ZBTB24: variants seen among roughly 807,000 people sequenced by gnomAD.
The protein encoded by ZBTB24 is zinc finger and BTB domain containing 24.
ZBTB24 carries 32 observed loss-of-function variants against 53.8 expected under a neutral mutation model. The ratio of observed to expected loss-of-function variants is 0.60; its 90% CI spans 0.45 to 0.80. The LOEUF (loss-of-function observed/expected upper bound fraction) is 0.80. Among genes scored for constraint, ZBTB24 ranks in the 30% least tolerant of loss-of-function variants. ZBTB24 has a pLI of 0.00. For synonymous variants in ZBTB24, 297 were observed against 306.7 expected, an observed-to-expected ratio of 0.97 and a Z score of 0.33; for missense variants, 722 against 837.1, an observed-to-expected ratio of 0.86 and a Z score of 1.70.
chr6:109,465,815 G>T lies in ZBTB24; in HGVS notation c.*36C>A, dbSNP rs774771168. The T allele has an allele frequency of 1.6e-5, 26 of 1,614,156 alleles. No individual in the cohort carries two copies. The highest frequency in any genetic ancestry group is 1.6e-4 in the Middle Eastern group (1 of 6,062). ...AAATCCAGTCAGAGCTGGCTTATAA[G>T]AAGAGCCCAATCAAGCAGTCAAACG... On this transcript the variant is annotated 3_prime_UTR_variant, in exon 7 of 7. Coordinates refer to ENST00000230122, the MANE Select transcript of ZBTB24 (RefSeq NM_014797.3).
chr6:109,478,641 T>C (rs1402265721), intron 2 of ZBTB24, among the ~76,000 whole-genome samples: 3 of 152,046 alleles, frequency 2.0e-5, no homozygotes, highest in African/African-American at 7.3e-5. Flanking sequence ...GCGGAGGTTG[T>C]GGTGATCGGA....
intron 1 of ZBTB24, 59 bp from the exon 2 acceptor site, chr6:109,482,113 G>A: frequency 1.7e-6 from 2 of 1,175,162 alleles, no homozygotes; most frequent in South Asian, 2.6e-5. Context: ...GTTAATGCCA[G>A]CCCACATGAA....
rs374715015 is a variant in ZBTB24 at position 109,476,887 on chromosome 6, G to A, written c.996C>T (p.Ala332=). 1.9e-4 allele frequency: 314 copies of A among 1,613,944 alleles called. 1 individual carries two copies. The highest frequency in any genetic ancestry group is 2.4e-4 in the Non-Finnish European group (284 of 1,180,034). ...FKCNECGKGF[A]QKHSLQVHTR... ...TGTGGACCTGTAGCGAGTGCTTCTG[G>A]GCAAAGCCTTTTCCACACTCATTAC... The change falls in exon 3 of 7, where the codon GCC becomes GCT. Residue 332 remains alanine, a synonymous_variant. Coordinates refer to ENST00000230122, the MANE Select transcript of ZBTB24 (RefSeq NM_014797.3).
chr6:109,465,831 C>G lies in ZBTB24; in HGVS notation c.*20G>C. 1 of 1,614,158 alleles carries G rather than the reference C, an allele frequency of 6.2e-7. No homozygotes were observed. The highest frequency in any genetic ancestry group is 8.5e-7 in the Non-Finnish European group (1 of 1,180,030). Reference sequence around the variant, plus strand: ...GGCTTATAAGAAGAGCCCAATCAAGCAGTCAAACGTGTTTACAGGTCAGCT... The same window carrying G: ...GGCTTATAAGAAGAGCCCAATCAAGGAGTCAAACGTGTTTACAGGTCAGCT... On this transcript the variant is annotated 3_prime_UTR_variant, in exon 7 of 7. Transcript: ENST00000230122.
rs1775984448 is a variant in ZBTB24 at position 109,464,464 on chromosome 6, T to C, written c.*1387A>G. Reference sequence around the variant, plus strand: ...ATCAGCATTGTTAATTTAGATATACTAGTGCCCACCTTCTTTTCTCAAAAA... The same window carrying C: ...ATCAGCATTGTTAATTTAGATATACCAGTGCCCACCTTCTTTTCTCAAAAA... On this transcript the variant is annotated 3_prime_UTR_variant, in exon 7 of 7. Coordinates refer to ENST00000230122, the MANE Select transcript of ZBTB24 (RefSeq NM_014797.3). 6.6e-6 allele frequency: 1 copy of C among 152,222 alleles called. No homozygotes were observed. The highest frequency in any genetic ancestry group is 1.5e-5 in the Non-Finnish European group (1 of 68,042). 9.4% of individuals were successfully genotyped at this position (152,222 alleles called of 1,614,324 possible).
At chr6:109,466,612 T>A (rs764530164) in intron 6 of ZBTB24, 38 bp from the exon 7 acceptor site, 9 of 1,599,338 alleles carry the variant, frequency 5.6e-6, no homozygotes, top group Non-Finnish European at 7.6e-6. Context: ...AAAATGGAAA[T>A]ACCTACTTAC....
rs555435245 is a variant in ZBTB24, at chr6:109,462,870, A to G, written c.*2981T>C. 6.6e-6 allele frequency: 1 copy of G among 152,374 alleles called. No individual in the cohort carries two copies. Among genetic ancestry groups the G allele is most frequent in the South Asian group, 2.1e-4 (1 of 4,828 alleles). The allele number at this position is 152,374 out of a possible 1,614,324, so 9.4% of individuals were successfully genotyped here. ...TCTATATTTCTGTTAAAACAATTTA[A>G]AAAATGGTACACATTTAGTAGAAAA... On this transcript the variant is annotated 3_prime_UTR_variant, in exon 7 of 7. Transcript: ENST00000230122.
chr6:109,477,326 T>C (rs1776300515), intron 2 of ZBTB24, among the ~76,000 whole-genome samples: 1 of 151,892 alleles, frequency 6.6e-6, no homozygotes. Flanking sequence ...GTAATTTTAA[T>C]TTTTTTTAGA....
chr6:109,482,449 G>A (rs1333522918), intron 1 of ZBTB24, among the ~76,000 whole-genome samples: 10 of 151,344 alleles, frequency 6.6e-5, no homozygotes, highest in Non-Finnish European at 1.3e-4. Flanking sequence ...CTGGGCGACA[G>A]AACGAGACCA....
Position 109,464,554 on chromosome 6 carries a change from A to C in ZBTB24, c.*1297T>G, listed in dbSNP as rs1488592725. 6.6e-6 allele frequency: 1 copy of C among 152,230 alleles called. No individual in the cohort carries two copies. Among genetic ancestry groups the C allele is most frequent in the Non-Finnish European group, 1.5e-5 (1 of 68,050 alleles). 9.4% of individuals were successfully genotyped at this position (152,230 alleles called of 1,614,324 possible). Reference sequence around the variant, plus strand: ...TAAGCTTAGCTTGAAAACCTAACCCAAACATAATTTAATCTTTTGATGATG... The same window carrying C: ...TAAGCTTAGCTTGAAAACCTAACCCCAACATAATTTAATCTTTTGATGATG... On this transcript the variant is annotated 3_prime_UTR_variant, in exon 7 of 7. Transcript: ENST00000230122.
In ZBTB24 at chr6:109,466,066, T is replaced by A. The variant is rs1483544393; in HGVS notation, c.1879A>T (p.Met627Leu). The A allele has an allele frequency of 6.2e-7, 1 of 1,614,224 alleles. No individual in the cohort carries two copies. Among genetic ancestry groups the A allele is most frequent in the Non-Finnish European group, 8.5e-7 (1 of 1,180,042 alleles). Residue 627 changes from methionine (M) to leucine (L), a missense_variant, in exon 7 of 7, where the codon ATG becomes TTG. Met to Leu is a conservative substitution (Grantham distance 15). Coordinates refer to ENST00000230122, the MANE Select transcript of ZBTB24 (RefSeq NM_014797.3). ...ACTGGCTCTGTTTGTGAGGGCCCCA[T>A]CTGGCTTTCAATCATATTGAGGCTC... ...IQSLNMIESQ[M>L]GPSQTEPVHV...
chr6:109,464,265 A>G lies in ZBTB24; in HGVS notation c.*1586T>C, dbSNP rs1379402508. 6.6e-6 allele frequency: 1 copy of G among 152,226 alleles called. No individual in the cohort carries two copies. Among genetic ancestry groups the G allele is most frequent in the East Asian group, 1.9e-4 (1 of 5,204 alleles). 9.4% of individuals were successfully genotyped at this position (152,226 alleles called of 1,614,324 possible). On this transcript the variant is annotated 3_prime_UTR_variant, in exon 7 of 7. Coordinates refer to ENST00000230122, the MANE Select transcript of ZBTB24 (RefSeq NM_014797.3). ...TTGTGAATTACATATAATAAAATAT[A>G]GCTTAGCAAATATGCAACCAAAATG...
chr6:109,468,566 G>A (rs758741058), intron 5 of ZBTB24, among the ~76,000 whole-genome samples: 2 of 151,432 alleles, frequency 1.3e-5, no homozygotes, highest in Non-Finnish European at 2.9e-5. Flanking sequence ...ACCTTGCCAC[G>A]CACTCCTTAG....
At chr6:109,476,129 T>C (rs749561818) in intron 4 of ZBTB24, 46 bp downstream of exon 4, 1 of 1,593,688 alleles carries the variant, frequency 6.3e-7, no homozygotes, top group Non-Finnish European at 8.6e-7. Flanking sequence ...ACAATTCTTA[T>C]TTGCATTTCT....
chr6:109,475,593 T>C (rs1562302500), intron 4 of ZBTB24, 111 bp from the exon 5 acceptor site: 13 of 1,310,848 alleles, frequency 9.9e-6, no homozygotes, highest in Non-Finnish European at 1.3e-5. Context: ...AATATAGTAC[T>C]TTAACCACAA....
rs926129867 is a variant in ZBTB24 at position 109,463,559 on chromosome 6, T to TA, written c.*2291dup. On this transcript the variant is annotated 3_prime_UTR_variant, in exon 7 of 7. Transcript: ENST00000230122. Reference sequence around the variant, plus strand: ...AATTTAATATAAATTTTTAAACTGATACTTATTTCAATTCTTGAAAAAAAC... The same window carrying TA: ...AATTTAATATAAATTTTTAAACTGATAACTTATTTCAATTCTTGAAAAAAAC... 2 of 152,160 alleles carry TA rather than the reference T, an allele frequency of 1.3e-5. No individual in the cohort carries two copies. Among genetic ancestry groups the TA allele is most frequent in the Non-Finnish European group, 2.9e-5 (2 of 68,018 alleles). The allele number at this position is 152,160 out of a possible 1,614,324, so 9.4% of individuals were successfully genotyped here.
intron 4 of ZBTB24, 146 bp from the exon 5 acceptor site, chr6:109,475,628 T>C (rs1037087959): frequency 2.1e-5 from 19 of 908,412 alleles, no homozygotes; most frequent in Non-Finnish European, 3.1e-5. Context: ...ATTTGGTAAC[T>C]GTTAATATTT....
At chr6:109,476,029 T>C (rs900714690) in intron 4 of ZBTB24, 146 bp downstream of exon 4, 2 of 785,100 alleles carry the variant, frequency 2.5e-6, no homozygotes. Context: ...TAAAAACATG[T>C]AATTTAGACT....
chr6:109,465,507 G>T lies in ZBTB24; in HGVS notation c.*344C>A. ...AAAACAAAAAAACATAACTGGGGAG[G>T]TTGGCAAGACCATAACCTATGGCTG... On this transcript the variant is annotated 3_prime_UTR_variant, in exon 7 of 7. Transcript: ENST00000230122. 3.8e-6 allele frequency: 3 copies of T among 792,314 alleles called. No homozygotes were observed. Among genetic ancestry groups the T allele is most frequent in the Non-Finnish European group, 5.8e-6 (3 of 514,332 alleles). 49.1% of individuals were successfully genotyped at this position (792,314 alleles called of 1,614,324 possible).
Sources: gnomAD v4.1 joint callset for allele counts (sites outside exome capture counted in the v4.1 genomes callset) on GRCh38, gnomAD v4.1.1 for gene constraint, MANE v1.5 for transcripts, NCBI Gene and HGNC (gene_info 2026-07-23, HGNC 2026-07-21) for gene names.